Variants in PRRG4 observed in about 807,000 individuals in gnomAD.
PRRG4 encodes the protein proline rich and Gla domain 4.
Under a neutral mutation model 20.0 loss-of-function variants are expected in PRRG4, and 12 were observed. That is an observed-to-expected ratio of 0.60 (90% CI 0.38 to 0.97). The LOEUF (loss-of-function observed/expected upper bound fraction) is 0.97, where lower values mean the gene tolerates loss of function less well. PRRG4 is among the 50% of genes least tolerant of loss of function. The probability of loss-of-function intolerance (pLI) is 0.00; values close to 1 mark genes in which losing one functional copy is unlikely to be tolerated. For missense variants in PRRG4, 199 were observed against 265.1 expected (o/e 0.75, Z 1.73); for synonymous variants, 94 against 96.4 (o/e 0.98, Z 0.15).
chr11:32,844,693 G>A (rs1851112181), intron 5 of PRRG4, among the ~76,000 whole-genome samples: 1 of 151,924 alleles, frequency 6.6e-6, no homozygotes, highest in African/African-American at 2.4e-5. Context: ...TAGAGACGAG[G>A]TTTCACCATG....
intron 2 of PRRG4, among the ~76,000 whole-genome samples, chr11:32,832,642 G>C (rs1387726950): frequency 1.3e-5 from 2 of 151,982 alleles, no homozygotes; most frequent in Admixed American, 6.6e-5. Flanking sequence ...CACTGTCCCA[G>C]CTAATTTATT....
At chr11:32,845,296 A>G (rs555964129) in intron 5 of PRRG4, among the ~76,000 whole-genome samples, 1 of 152,154 alleles carries the variant, frequency 6.6e-6, no homozygotes, top group African/African-American at 2.4e-5. Flanking sequence ...AGGCAACTAC[A>G]TAACAAAAAA....
chr11:32,837,525 TGATGATGATG>T lies in PRRG4; in HGVS notation c.267+705_267+714del, dbSNP rs1565113766. On this transcript the variant is annotated intron_variant, in intron 3 of 5. Transcript: ENST00000257836. ...CTAACTGAGATGATGATGATGATGA[TGATGATGATG>T]ATGATGATTATTATTATTATTATTA... Among the ~76,000 whole-genome samples the T allele has an allele frequency of 2.9e-3, 319 of 110,508 alleles. 1 individual carries two copies. Among genetic ancestry groups the T allele is most frequent in the African/African-American group, 0.011 (312 of 27,724 alleles). 72.5% of individuals were successfully genotyped at this position (110,508 alleles called of 152,430 possible).
In PRRG4 at chr11:32,853,921, A is replaced by G. The variant is rs1185796027; in HGVS notation, c.*394A>G. 1.1e-5 allele frequency: 2 copies of G among 187,350 alleles called. No homozygotes were observed. Among genetic ancestry groups the G allele is most frequent in the East Asian group, 2.8e-4 (2 of 7,256 alleles). 11.6% of individuals were successfully genotyped at this position (187,350 alleles called of 1,614,324 possible). ...GGAGGAGGAGGAGAAGGAGAAGAAG[A>G]AGAAGAAGAAGACCACAAAAGACAT... On this transcript the variant is annotated 3_prime_UTR_variant, in exon 6 of 6. Transcript: ENST00000257836.
At chr11:32,839,021 G>A (rs1452812489) in intron 4 of PRRG4, 91 bp downstream of exon 4, 22 of 893,066 alleles carry the variant, frequency 2.5e-5, no homozygotes, top group Middle Eastern at 2.5e-4. Context: ...TGGTTGTTGC[G>A]CAACATACAT....
At chr11:32,834,709 T>C (rs538373036) in intron 2 of PRRG4, among the ~76,000 whole-genome samples, 5 of 152,194 alleles carry the variant, frequency 3.3e-5, no homozygotes, top group Non-Finnish European at 7.3e-5. Flanking sequence ...TATAAAACAT[T>C]ATGGAGACAT....
chr11:32,829,898 G>T, upstream of PRRG4: 1 of 985,494 alleles, frequency 1.0e-6, no homozygotes, highest in Non-Finnish European at 1.2e-6. Context: ...GCGCGGCCAG[G>T]TGTCCCCAGG....
chr11:32,839,890 T>C (rs1429080659), intron 4 of PRRG4, among the ~76,000 whole-genome samples: 1 of 147,714 alleles, frequency 6.8e-6, no homozygotes, highest in African/African-American at 2.5e-5. Context: ...TAAATATATT[T>C]ATATTTTAAT....
At position 32,840,369 on chromosome 11, in the gene PRRG4, G is replaced by A; in HGVS notation, c.449+130G>A. On this transcript the variant is annotated intron_variant, in intron 5 of 5. Transcript: ENST00000257836. This position sits in a 1 kb window ranked among gnomAD's most constrained non-coding sequence, Gnocchi z 4.1. ...ATTTTGGAAGAATTTTAGATGTATAGGGAAGTTGCAAAGGTTAATACAGAG... is the reference window on the plus strand; with the variant it reads ...ATTTTGGAAGAATTTTAGATGTATAAGGAAGTTGCAAAGGTTAATACAGAG... The A allele has an allele frequency of 1.5e-6, 1 of 679,438 alleles. No homozygotes were observed. Among genetic ancestry groups the A allele is most frequent in the Non-Finnish European group, 2.5e-6 (1 of 405,548 alleles). 42.1% of individuals were successfully genotyped at this position (679,438 alleles called of 1,614,324 possible). A position where few individuals can be genotyped will look rare whatever the true frequency, so the allele number is the denominator to read the frequency against.
chr11:32,843,446 G>A (rs898889085), intron 5 of PRRG4, among the ~76,000 whole-genome samples: 2 of 151,456 alleles, frequency 1.3e-5, no homozygotes, highest in African/African-American at 4.8e-5. Context: ...TTCAGTTGGT[G>A]CAAAAGCAAT....
intron 5 of PRRG4, among the ~76,000 whole-genome samples, chr11:32,850,378 T>G (rs753193081): frequency 2.6e-5 from 4 of 152,204 alleles, no homozygotes; most frequent in Admixed American, 1.3e-4. Flanking sequence ...GCACTGTGAT[T>G]ATGACATGTC....
At chr11:32,829,852 G>A (rs1045120628), upstream of PRRG4, 12 of 985,298 alleles carry the variant, frequency 1.2e-5, no homozygotes, top group Non-Finnish European at 1.4e-5. Context: ...CTGCCCGCCC[G>A]CTCGCCGCAG....
intron 2 of PRRG4, among the ~76,000 whole-genome samples, chr11:32,836,056 T>C (rs1247942129): frequency 6.6e-6 from 1 of 152,092 alleles, no homozygotes; most frequent in Non-Finnish European, 1.5e-5. Context: ...GAGCTGAGAC[T>C]GTGCCATTGC....
intron 2 of PRRG4, among the ~76,000 whole-genome samples, chr11:32,832,483 T>TTCTTTTTC (rs200274891): frequency 6.8e-6 from 1 of 147,434 alleles, no homozygotes; most frequent in Non-Finnish European, 1.5e-5. Context: ...GAAATTCTTT[T>TTCTTTTTC]TTTTTTTTTT....
chr11:32,850,835 C>T (rs1295067413), intron 5 of PRRG4, among the ~76,000 whole-genome samples: 4 of 152,056 alleles, frequency 2.6e-5, no homozygotes, highest in East Asian at 1.9e-4. Flanking sequence ...TTTGGGAGGC[C>T]GAAACAGGTG....
intron 5 of PRRG4, among the ~76,000 whole-genome samples, chr11:32,845,773 G>A (rs534342605): frequency 2.0e-5 from 3 of 152,232 alleles, no homozygotes; most frequent in East Asian, 1.9e-4. Context: ...TCAAGAAAGT[G>A]GACCCACAGG....
chr11:32,829,836 G>A, upstream of PRRG4: 4 of 985,408 alleles, frequency 4.1e-6, no homozygotes, highest in Non-Finnish European at 4.8e-6. Flanking sequence ...GGGAGACGCC[G>A]GCCCACTGCC....
intron 3 of PRRG4, among the ~76,000 whole-genome samples, chr11:32,837,411 A>G (rs1438612749): frequency 6.6e-6 from 1 of 151,902 alleles, no homozygotes; most frequent in African/African-American, 2.4e-5. Context: ...TCTTTCTTAG[A>G]ATATAACTAA....
At chr11:32,837,650 C>T (rs968775394) in intron 3 of PRRG4, among the ~76,000 whole-genome samples, 2 of 151,090 alleles carry the variant, frequency 1.3e-5, no homozygotes, top group Admixed American at 6.6e-5. Flanking sequence ...CTCCACCTCC[C>T]GGGTTCAAGC....
Sources: gnomAD v4.1 joint callset for allele counts (sites outside exome capture counted in the v4.1 genomes callset) on GRCh38, gnomAD v4.1.1 for gene constraint, Gnocchi (gnomAD v3.1) non-coding constraint, MANE v1.5 for transcripts, NCBI Gene and HGNC (gene_info 2026-07-23, HGNC 2026-07-21) for gene names.